TMC1: variants seen among roughly 807,000 people sequenced by gnomAD.
TMC1 encodes the protein transmembrane channel-like protein 1.
A neutral mutation model predicts 105.8 loss-of-function variants in TMC1; 84 were observed. That is an observed-to-expected ratio of 0.79 (90% CI 0.67 to 0.95). The LOEUF (loss-of-function observed/expected upper bound fraction) is 0.95, where lower values mean the gene tolerates loss of function less well. TMC1 is among the 40% of genes least tolerant of loss of function. The pLI is 0.00. For missense variants in TMC1, 817 were observed against 914.1 expected, an observed-to-expected ratio of 0.89 and a Z score of 1.37; for synonymous variants, 315 against 311.5, an observed-to-expected ratio of 1.01 and a Z score of -0.12.
chr9:72,546,029 T>C (rs1823762828), intron 1 of TMC1, among the ~76,000 whole-genome samples: 1 of 149,708 alleles, frequency 6.7e-6, no homozygotes, highest in African/African-American at 2.5e-5. Context: ...ACAACTGTAA[T>C]CCCACCACTT....
At chr9:72,533,557 T>G (rs1021273049) in intron 1 of TMC1, among the ~76,000 whole-genome samples, 3 of 152,296 alleles carry the variant, frequency 2.0e-5, no homozygotes, top group Non-Finnish European at 4.4e-5. Context: ...CACACAACCT[T>G]GCATGACTTG....
intron 18 of TMC1, among the ~76,000 whole-genome samples, chr9:72,809,945 T>TTG (rs1318977956): frequency 4.7e-5 from 7 of 149,812 alleles, no homozygotes; most frequent in Admixed American, 1.3e-4. Flanking sequence ...GTGTGTGTGT[T>TTG]TGTGTGTGTG....
chr9:72,710,755 T>C (rs984615582), intron 8 of TMC1, among the ~76,000 whole-genome samples: 2 of 152,218 alleles, frequency 1.3e-5, no homozygotes, highest in African/African-American at 4.8e-5. Context: ...GTTGAGTCTC[T>C]TGAAGACAGC....
At chr9:72,595,672 ACTT>A (rs1824705201) in intron 2 of TMC1, among the ~76,000 whole-genome samples, 1 of 128,646 alleles carries the variant, frequency 7.8e-6, no homozygotes, top group South Asian at 2.4e-4. Flanking sequence ...GCAACTCTCA[ACTT>A]TTTTTTTTTT....
intron 2 of TMC1, among the ~76,000 whole-genome samples, chr9:72,594,239 A>T (rs1430208467): frequency 1.3e-5 from 2 of 152,234 alleles, no homozygotes; most frequent in African/African-American, 2.4e-5. Flanking sequence ...AATACCTTTT[A>T]GACAGAGAAA....
intron 3 of TMC1, among the ~76,000 whole-genome samples, chr9:72,623,957 C>T (rs1825300531): frequency 6.6e-6 from 1 of 152,040 alleles, no homozygotes; most frequent in African/African-American, 2.4e-5. Context: ...GATGGTGGTA[C>T]TGGTAGAGGA....
chr9:72,610,015 A>G (rs909612945), intron 2 of TMC1, among the ~76,000 whole-genome samples: 1 of 152,112 alleles, frequency 6.6e-6, no homozygotes, highest in African/African-American at 2.4e-5. Context: ...TATTGACTCT[A>G]CTGCTCAGTG....
intron 23 of TMC1, among the ~76,000 whole-genome samples, chr9:72,833,387 T>C (rs1190620743): frequency 1.3e-5 from 2 of 152,256 alleles, no homozygotes; most frequent in Non-Finnish European, 2.9e-5. Flanking sequence ...CATATTGGGT[T>C]ATCTGTCCAT....
chr9:72,679,151 A>G (rs1379687822), intron 5 of TMC1, among the ~76,000 whole-genome samples: 1 of 152,212 alleles, frequency 6.6e-6, no homozygotes, highest in East Asian at 1.9e-4. Flanking sequence ...ATGACAATGC[A>G]TGTCTCCCAT....
rs1379638342 is a variant in TMC1, at chr9:72,755,038, AAGAG to A, written c.741+167_741+170del. On this transcript the variant is annotated intron_variant, in intron 12 of 23. Coordinates refer to ENST00000297784, the MANE Select transcript of TMC1 (RefSeq NM_138691.3). ...AAGAAAGAAAGGAAAGAAAGAAAGA[AAGAG>A]AGAGAGAGAGAGGGAGGGAGGGAGG... Among the ~76,000 whole-genome samples the A allele has an allele frequency of 3.8e-3, 522 of 137,558 alleles. 3 individuals are homozygous for A. Among genetic ancestry groups the A allele is most frequent in the African/African-American group, 0.011 (410 of 37,304 alleles). The allele number at this position is 137,558 out of a possible 152,430, so 90.2% of individuals were successfully genotyped here.
chr9:72,719,395 C>T (rs1345478917), intron 8 of TMC1, among the ~76,000 whole-genome samples: 1 of 152,190 alleles, frequency 6.6e-6, no homozygotes, highest in Non-Finnish European at 1.5e-5. Flanking sequence ...GTGTTTCACT[C>T]AGCTCTCTAA....
chr9:72,826,959 C>T lies in TMC1; in HGVS notation c.2094C>T (p.Asn698=), dbSNP rs778570792. 9 of 1,613,962 alleles carry T rather than the reference C, an allele frequency of 5.6e-6. No individual in the cohort carries two copies. In the East Asian group the frequency reaches 2.0e-4, roughly 36 times the overall value. ...CGAAGATCTTGAGACAGCTTTCAAA[C>T]CCTGGGCTGGTCATTGCTGTCATTT... ...WMAKILRQLS[N]PGLVIAVILV... Residue 698 remains asparagine, a synonymous_variant, in exon 21 of 24, where the codon AAC becomes AAT. Coordinates refer to ENST00000297784, the MANE Select transcript of TMC1 (RefSeq NM_138691.3).
intron 12 of TMC1, among the ~76,000 whole-genome samples, chr9:72,762,910 T>C (rs901816363): frequency 6.6e-5 from 10 of 152,218 alleles, no homozygotes; most frequent in Non-Finnish European, 1.0e-4. Context: ...TCATGTTCTA[T>C]TCTAGGTCCT....
intron 2 of TMC1, among the ~76,000 whole-genome samples, chr9:72,581,484 T>C (rs1824474165): frequency 6.6e-6 from 1 of 152,224 alleles, no homozygotes; most frequent in Non-Finnish European, 1.5e-5. Flanking sequence ...TCTTTCATTC[T>C]TCTTTCTCAA....
intron 7 of TMC1, among the ~76,000 whole-genome samples, chr9:72,698,725 G>A (rs557406185): frequency 6.6e-6 from 1 of 152,298 alleles, no homozygotes; most frequent in African/African-American, 2.4e-5. Context: ...CGAAAACACT[G>A]TAGCGTAGAG....
chr9:72,808,266 T>C (rs1337046339), intron 18 of TMC1, among the ~76,000 whole-genome samples: 1 of 152,228 alleles, frequency 6.6e-6, no homozygotes, highest in Non-Finnish European at 1.5e-5. Context: ...CTGCTTTTTA[T>C]GCTCAAACAC....
intron 17 of TMC1, among the ~76,000 whole-genome samples, chr9:72,796,632 T>G (rs1828375919): frequency 6.6e-6 from 1 of 152,124 alleles, no homozygotes; most frequent in East Asian, 1.9e-4. Flanking sequence ...CACATGATTA[T>G]CTCCATAGAT....
intron 3 of TMC1, among the ~76,000 whole-genome samples, chr9:72,619,522 G>A (rs1473765231): frequency 3.9e-5 from 6 of 152,086 alleles, no homozygotes; most frequent in South Asian, 2.1e-4. Context: ...ATGGTGAAAT[G>A]TGAATAGTTG....
At chr9:72,772,920 G>T (rs562428614) in intron 13 of TMC1, among the ~76,000 whole-genome samples, 3 of 152,114 alleles carry the variant, frequency 2.0e-5, no homozygotes, top group Non-Finnish European at 1.5e-5. Flanking sequence ...TTTGTAACTT[G>T]CAGAATCAGC....
Sources: allele counts gnomAD v4.1 joint callset (sites outside exome capture counted in the v4.1 genomes callset), GRCh38; gene constraint gnomAD v4.1.1; transcripts MANE v1.5; gene names NCBI Gene and HGNC (gene_info 2026-07-23, HGNC 2026-07-21).